The following ANKK1 variants were observed in gnomAD, a reference collection of about 807,000 sequenced individuals.
ANKK1 encodes the protein ankyrin repeat and protein kinase domain-containing protein 1.
In ANKK1, 37 loss-of-function variants were observed where a neutral mutation model predicts 37.6. The observed-to-expected ratio is 0.98, with a 90% CI of 0.76 to 1.29. ANKK1 has a LOEUF of 1.29. Among genes scored for constraint, ANKK1 ranks in the 50% most tolerant of loss-of-function variants. The pLI is 0.00. For missense variants in ANKK1, 1,019 were observed against 990.6 expected (o/e 1.03, Z -0.39); for synonymous variants, 415 against 418.7 (o/e 0.99, Z 0.11).
chr11:113,389,025 C>T (rs1353915306), intron 1 of ANKK1, among the ~76,000 whole-genome samples: 1 of 152,150 alleles, frequency 6.6e-6, no homozygotes, highest in Non-Finnish European at 1.5e-5. Context: ...TCAGGTGCCA[C>T]ACACTCAGTT....
rs1255277354 is a variant in ANKK1 at position 113,399,625 on chromosome 11, C to A, written c.1656C>A (p.Val552=). 6 of 1,606,200 alleles carry A rather than the reference C, an allele frequency of 3.7e-6. No individual in the cohort carries two copies. The highest frequency in any genetic ancestry group is 4.2e-6 in the Non-Finnish European group (5 of 1,176,612). ...AACACCTGCTGAAGAGTGGAGCGGTCCCTGATGCCCTTGACCAGAGCGGCT... is the reference window on the plus strand; with the variant it reads ...AACACCTGCTGAAGAGTGGAGCGGTACCTGATGCCCTTGACCAGAGCGGCT... ...AIQHLLKSGA[V]PDALDQSGYG... is the part of the protein sequence containing the mutation. The change falls in exon 8 of 8, where the codon GTC becomes GTA. Residue 552 remains valine (V), a synonymous_variant. Transcript: ENST00000303941.
chr11:113,397,217 G>A lies in ANKK1; in HGVS notation c.839-7G>A, dbSNP rs201120012. 1.9e-6 allele frequency: 3 copies of A among 1,604,294 alleles called. No individual in the cohort carries two copies. The highest frequency in any genetic ancestry group is 2.2e-5 in the East Asian group (1 of 44,864). ...CCTTTCCTGTCTTTCTCCCACTCAT[G>A]GAGCAGACATTACCATCGAGACAGA... On this transcript the variant is annotated splice_region_variant and splice_polypyrimidine_tract_variant and intron_variant, in intron 5 of 7. Coordinates refer to ENST00000303941, the MANE Select transcript of ANKK1 (RefSeq NM_178510.2).
chr11:113,395,220 C>A, intron 3 of ANKK1, 139 bp from the exon 4 acceptor site: 1 of 1,488,046 alleles, frequency 6.7e-7, no homozygotes, highest in Non-Finnish European at 9.1e-7. Flanking sequence ...GCTGGAGAGG[C>A]AGAGGGCTGG....
chr11:113,388,187 G>C (rs1950561563), intron 1 of ANKK1, 118 bp downstream of exon 1: 6 of 1,300,300 alleles, frequency 4.6e-6, no homozygotes, highest in Non-Finnish European at 6.1e-6. Flanking sequence ...ACTGTCCCCC[G>C]CGGTATTTCT....
chr11:113,399,812 A>G lies in ANKK1; in HGVS notation c.1843A>G (p.Ser615Gly), dbSNP rs978011371. The G allele has an allele frequency of 6.2e-7, 1 of 1,605,022 alleles. No individual in the cohort carries two copies. Among genetic ancestry groups the G allele is most frequent in the Non-Finnish European group, 8.5e-7 (1 of 1,176,228 alleles). The change falls in exon 8 of 8, where the codon AGC (serine) becomes GGC (glycine). Residue 615 changes from serine to glycine, a missense_variant. By Grantham distance (56) the Ser-to-Gly change is moderately conservative. Coordinates refer to ENST00000303941, the MANE Select transcript of ANKK1 (RefSeq NM_178510.2). ...GGAGATCATCCATCTGCTGGCAGAG[A>G]GCCACGCAAACATGGGTGCTCTTGG... ...HLEIIHLLAESHANMGALGAV... is the reference protein window; with the variant it reads ...HLEIIHLLAEGHANMGALGAV...
In ANKK1 at chr11:113,399,188, C is replaced by G. The variant is rs926653011; in HGVS notation, c.1219C>G (p.Gln407Glu). The change falls in exon 8 of 8, where the codon CAA becomes GAA. Residue 407 changes from glutamine to glutamate, a missense_variant. Coordinates refer to ENST00000303941, the MANE Select transcript of ANKK1 (RefSeq NM_178510.2). ...CCTCCTGATCGCCGCCCAGGACCAG[C>G]AACCCGACCTCTGTGCCCTGCTTTT... ...TPLLIAAQDQQPDLCALLLAH... is the reference protein window; with the variant it reads ...TPLLIAAQDQEPDLCALLLAH... The G allele has an allele frequency of 1.9e-6, 3 of 1,601,156 alleles. No individual in the cohort carries two copies. The highest frequency in any genetic ancestry group is 2.7e-5 in the African/African-American group (2 of 74,732).
chr11:113,397,310 T>C lies in ANKK1; in HGVS notation c.925T>C (p.Ser309Pro). The C allele has an allele frequency of 1.2e-6, 2 of 1,612,560 alleles. No homozygotes were observed. The highest frequency in any genetic ancestry group is 1.7e-6 in the Non-Finnish European group (2 of 1,179,786). The change falls in exon 6 of 8, where the codon TCC becomes CCC. Residue 309 changes from serine to proline, a missense_variant. By Grantham distance (74) the Ser-to-Pro change is moderately conservative. Transcript: ENST00000303941. ...PESKALARKV[S>P]CKLSLRQPGE... ...GAGCAAGGCCCTGGCCAGGAAGGTG[T>C]CCTGCAAGCTGTCGCTGCGCCAGCC...
intron 1 of ANKK1, among the ~76,000 whole-genome samples, chr11:113,390,693 C>A (rs1487933406): frequency 6.6e-6 from 1 of 150,678 alleles, no homozygotes; most frequent in Non-Finnish European, 1.5e-5. Flanking sequence ...CAAGATCATG[C>A]CATTGCACTC....
chr11:113,393,408 T>C (rs2138126243), intron 1 of ANKK1, 73 bp from the exon 2 acceptor site: 1 of 1,481,062 alleles, frequency 6.8e-7, no homozygotes, highest in Non-Finnish European at 9.2e-7. Context: ...TCATGGCTAG[T>C]TTATGTGTTC....
chr11:113,397,928 G>C (rs1222739169), intron 6 of ANKK1, 52 bp from the exon 7 acceptor site: 2 of 1,545,454 alleles, frequency 1.3e-6, no homozygotes, highest in East Asian at 4.9e-5. Context: ...GAGGGCACAG[G>C]CTAGAACTGC....
intron 5 of ANKK1, among the ~76,000 whole-genome samples, chr11:113,396,997 G>T (rs1418030624): frequency 1.3e-5 from 2 of 152,190 alleles, no homozygotes; most frequent in African/African-American, 4.8e-5. Flanking sequence ...GCCTGAACTT[G>T]CCCCCTCATT....
chr11:113,391,323 A>G lies in ANKK1; in HGVS notation c.186-2158A>G, dbSNP rs76776816. 7.7e-3 allele frequency among the ~76,000 whole-genome samples: 1,170 copies of G among 152,334 alleles called. 20 individuals carry two copies. The highest frequency in any genetic ancestry group is 0.027 in the African/African-American group (1,114 of 41,562). On this transcript the variant is annotated intron_variant, in intron 1 of 7. Transcript: ENST00000303941. The stretch of plus-strand genomic sequence containing the variant: ...TCTTGTAGGACTTTCTCAGCCATGA[A>G]AGAACTTTGGCTTTTACTGTGAATG...
chr11:113,389,970 G>A (rs1591257570), intron 1 of ANKK1, among the ~76,000 whole-genome samples: 1 of 152,204 alleles, frequency 6.6e-6, no homozygotes, highest in South Asian at 2.1e-4. Context: ...TCTGATGAGA[G>A]ACGGATAATA....
At chr11:113,398,469 A>C (rs908072265) in intron 7 of ANKK1, among the ~76,000 whole-genome samples, 1 of 152,206 alleles carries the variant, frequency 6.6e-6, no homozygotes, top group Non-Finnish European at 1.5e-5. Context: ...TTAAGACCTC[A>C]GAGGGGAGTT....
Position 113,393,605 on chromosome 11 carries a change from G to A in ANKK1, c.310G>A (p.Gly104Ser), listed in dbSNP as rs370893401. ...TATTGTGATGGAGTTTATGGCCAAC[G>A]GCTCCCTGGAGAAGGTGCTGTCCAC... ...LGIVMEFMAN[G>S]SLEKVLSTHS... Residue 104 changes from glycine to serine, a missense_variant, in exon 2 of 8, where the codon GGC (glycine) becomes AGC (serine). By Grantham distance (56) the Gly-to-Ser change is moderately conservative. Coordinates refer to ENST00000303941, the MANE Select transcript of ANKK1 (RefSeq NM_178510.2). The A allele has an allele frequency of 5.6e-5, 91 of 1,613,814 alleles. No individual in the cohort carries two copies. The highest frequency in any genetic ancestry group is 1.0e-4 in the Admixed American group (6 of 59,990).
intron 1 of ANKK1, among the ~76,000 whole-genome samples, chr11:113,390,477 G>A (rs551259689): frequency 1.2e-4 from 18 of 152,320 alleles, no homozygotes; most frequent in Admixed American, 2.6e-4. Flanking sequence ...GGTGGCTCAC[G>A]CTTGTAATCC....
At position 113,400,125 on chromosome 11, in the gene ANKK1, A is replaced by G. The variant is rs1375114259; in HGVS notation, c.2156A>G (p.Asp719Gly). The G allele has an allele frequency of 6.2e-7, 1 of 1,611,060 alleles. No individual in the cohort carries two copies. The highest frequency in any genetic ancestry group is 8.5e-7 in the Non-Finnish European group (1 of 1,178,892). ...KVLVEAGAQL[D>G]VQDGVSCTPL... ...CTGGTCGAGGCAGGCGCCCAGCTGG[A>G]CGTCCAGGATGGAGTGAGCTGCACA... is the stretch of plus-strand genomic sequence containing the variant. The change falls in exon 8 of 8, where the codon GAC (aspartate) becomes GGC (glycine). Residue 719 changes from aspartate to glycine, a missense_variant. Coordinates refer to ENST00000303941, the MANE Select transcript of ANKK1 (RefSeq NM_178510.2).
intron 1 of ANKK1, among the ~76,000 whole-genome samples, chr11:113,391,045 T>C (rs1950583595): frequency 6.6e-6 from 1 of 152,210 alleles, no homozygotes; most frequent in Admixed American, 6.5e-5. Flanking sequence ...CTTTTTTATG[T>C]AGACTTCTCT....
chr11:113,389,419 C>G (rs1214329654), intron 1 of ANKK1, among the ~76,000 whole-genome samples: 2 of 152,140 alleles, frequency 1.3e-5, no homozygotes, highest in Non-Finnish European at 2.9e-5. Flanking sequence ...ATGCTTACTG[C>G]TCTTCTACTA....
Sources: allele counts gnomAD v4.1 joint callset (sites outside exome capture counted in the v4.1 genomes callset), GRCh38; gene constraint gnomAD v4.1.1; transcripts MANE v1.5; gene names NCBI Gene and HGNC (gene_info 2026-07-23, HGNC 2026-07-21).